Variants in NRG1 observed in about 807,000 individuals in gnomAD.
The protein encoded by NRG1 is pro-neuregulin-1, membrane-bound isoform.
In NRG1, 18 loss-of-function variants were observed where a neutral mutation model predicts 63.8. That is an observed-to-expected ratio of 0.28 (90% CI 0.19 to 0.42). NRG1 has a LOEUF of 0.42. Ranked by LOEUF, NRG1 falls within the 10% of genes least tolerant of loss-of-function variation. The pLI is 1.00. For synonymous variants in NRG1, 302 were observed against 301.3 expected, an observed-to-expected ratio of 1.00 and a Z score of -0.02; for missense variants, 762 against 814.7, an observed-to-expected ratio of 0.94 and a Z score of 0.79.
chr8:32,585,966 CA>C (rs1480998138), intron 1 of NRG1, among the ~76,000 whole-genome samples: 2 of 152,066 alleles, frequency 1.3e-5, no homozygotes, highest in Admixed American at 6.6e-5. Flanking sequence ...TGACTATAGA[CA>C]GGTTACTTTA....
At chr8:31,700,282 G>A (rs756176249) in intron 1 of NRG1, among the ~76,000 whole-genome samples, 1 of 152,096 alleles carries the variant, frequency 6.6e-6, no homozygotes, top group Non-Finnish European at 1.5e-5. Flanking sequence ...GAATCCTGAT[G>A]TTAGTGTCTG....
At chr8:31,847,166 G>C (rs931360007) in intron 1 of NRG1, among the ~76,000 whole-genome samples, 1 of 152,120 alleles carries the variant, frequency 6.6e-6, no homozygotes, top group African/African-American at 2.4e-5. Context: ...ATACTAAATT[G>C]CATCTCATTG....
At chr8:32,042,330 G>C (rs1276657311) in intron 1 of NRG1, among the ~76,000 whole-genome samples, 1 of 152,046 alleles carries the variant, frequency 6.6e-6, no homozygotes, top group Non-Finnish European at 1.5e-5. Flanking sequence ...GCATGTGCCT[G>C]TAGTCACAGC....
intron 1 of NRG1, among the ~76,000 whole-genome samples, chr8:32,430,978 C>G (rs12681645): frequency 6.6e-6 from 1 of 152,106 alleles, no homozygotes; most frequent in Non-Finnish European, 1.5e-5. Context: ...ATAATAATAA[C>G]TAGCATTTAT....
At chr8:32,646,582 T>G (rs1233268578) in intron 5 of NRG1, 1 of 659,618 alleles carries the variant, frequency 1.5e-6, no homozygotes, top group African/African-American at 2.0e-5. Context: ...TTTGTTAGAT[T>G]GCTAGCATCG....
chr8:31,738,086 A>G (rs533396362), intron 1 of NRG1, among the ~76,000 whole-genome samples: 7 of 152,228 alleles, frequency 4.6e-5, no homozygotes, highest in African/African-American at 7.2e-5. Flanking sequence ...TATGGCAGTG[A>G]GCAGATTGGA....
chr8:31,795,190 C>G (rs1428806596), intron 1 of NRG1, among the ~76,000 whole-genome samples: 1 of 152,122 alleles, frequency 6.6e-6, no homozygotes, highest in Non-Finnish European at 1.5e-5. Context: ...GGGGAGAGAG[C>G]CCTCTTAGGA....
At chr8:32,335,877 G>A (rs538548985) in intron 1 of NRG1, among the ~76,000 whole-genome samples, 471 of 152,208 alleles carry the variant, frequency 3.1e-3, no homozygotes, top group Middle Eastern at 6.8e-3. Context: ...ATGTCTCTGA[G>A]CATCGGATCT....
chr8:32,270,136 A>C (rs963227659), intron 1 of NRG1, among the ~76,000 whole-genome samples: 1 of 152,238 alleles, frequency 6.6e-6, no homozygotes, highest in Non-Finnish European at 1.5e-5. Context: ...TGAAGGCATC[A>C]GAGTAAAACA....
chr8:31,921,354 T>G (rs1174059611), intron 1 of NRG1, among the ~76,000 whole-genome samples: 1 of 152,120 alleles, frequency 6.6e-6, no homozygotes, highest in Non-Finnish European at 1.5e-5. Context: ...AGCCAGTTCA[T>G]GAAGCGCTAC....
intron 1 of NRG1, among the ~76,000 whole-genome samples, chr8:32,432,864 G>C (rs1818316913): frequency 6.6e-6 from 1 of 152,152 alleles, no homozygotes; most frequent in African/African-American, 2.4e-5. Flanking sequence ...TTTTCAGCAA[G>C]TCGCATTCGG....
chr8:32,477,563 C>A (rs1465075409), intron 1 of NRG1, among the ~76,000 whole-genome samples: 4 of 152,132 alleles, frequency 2.6e-5, no homozygotes, highest in Admixed American at 1.3e-4. Context: ...TGTTCAAGAG[C>A]ATCAAAGCAT....
chr8:32,198,430 G>A (rs1260249327), intron 1 of NRG1, among the ~76,000 whole-genome samples: 4 of 152,048 alleles, frequency 2.6e-5, no homozygotes, highest in Non-Finnish European at 4.4e-5. Context: ...CACCTGCCTC[G>A]GCCTCCCAAA....
At chr8:32,229,411 C>T (rs1317368152) in intron 1 of NRG1, among the ~76,000 whole-genome samples, 1 of 152,080 alleles carries the variant, frequency 6.6e-6, no homozygotes, top group African/African-American at 2.4e-5. Context: ...AACGAGTGAA[C>T]AACATCACTA....
intron 1 of NRG1, among the ~76,000 whole-genome samples, chr8:32,029,149 G>C (rs193035414): frequency 1.3e-5 from 2 of 152,082 alleles, no homozygotes; most frequent in African/African-American, 4.8e-5. Flanking sequence ...TATTATTTGC[G>C]TACCTCATTT....
intron 1 of NRG1, among the ~76,000 whole-genome samples, chr8:31,680,233 T>A (rs537592223): frequency 1.3e-3 from 192 of 151,912 alleles, no homozygotes; most frequent in African/African-American, 4.3e-3. Context: ...GCTGGTGCGC[T>A]GCACCCACTA....
chr8:32,373,456 T>C (rs2129482889), intron 1 of NRG1, among the ~76,000 whole-genome samples: 1 of 144,746 alleles, frequency 6.9e-6, no homozygotes, highest in East Asian at 2.1e-4. Flanking sequence ...TTTATATGCC[T>C]GAGGTGTTTA....
intron 1 of NRG1, among the ~76,000 whole-genome samples, chr8:32,481,187 A>G (rs1208297087): frequency 6.6e-6 from 1 of 152,002 alleles, no homozygotes; most frequent in East Asian, 1.9e-4. Flanking sequence ...CTAAAAAAAT[A>G]CAAAAATTAG....
At chr8:32,055,819 G>A (rs906978090) in intron 1 of NRG1, among the ~76,000 whole-genome samples, 3 of 152,060 alleles carry the variant, frequency 2.0e-5, no homozygotes, top group African/African-American at 4.8e-5. Flanking sequence ...CCTTGGTGGT[G>A]TTTTCCTTGG....
Sources: allele counts gnomAD v4.1 joint callset (sites outside exome capture counted in the v4.1 genomes callset), GRCh38; gene constraint gnomAD v4.1.1; transcripts MANE v1.5; gene names NCBI Gene and HGNC (gene_info 2026-07-23, HGNC 2026-07-21).